The following ETV5 variants were observed in gnomAD, a reference collection of about 807,000 sequenced individuals.
ETV5 encodes ETS translocation variant 5.
In ETV5, 10 loss-of-function variants were observed where a neutral mutation model predicts 70.0. The observed-to-expected ratio is 0.14, with a 90% CI of 0.09 to 0.24. ETV5 has a LOEUF of 0.24. Among genes scored for constraint, ETV5 ranks in the 10% least tolerant of loss-of-function variants. ETV5 has a pLI of 1.00. For synonymous variants in ETV5, 216 were observed against 242.2 expected, an observed-to-expected ratio of 0.89 and a Z score of 1.01; for missense variants, 453 against 651.2, an observed-to-expected ratio of 0.70 and a Z score of 3.31.
Position 186,066,262 on chromosome 3 carries a change from CAAA to C in ETV5, c.651-193_651-191del, listed in dbSNP as rs10681607. Among the ~76,000 whole-genome samples, 65 of 94,896 alleles carry C rather than the reference CAAA, an allele frequency of 6.8e-4. 2 individuals are homozygous for C. The East Asian group carries it at 0.012, about 18-fold the overall frequency. The allele number at this position is 94,896 out of a possible 152,430, so 62.3% of individuals were successfully genotyped here. A position where few individuals can be genotyped will look rare whatever the true frequency, so the allele number is the denominator to read the frequency against. ...TCGAAGCTCTTGAGTCAGGAAGTGG[CAAA>C]AAAAAAAAAAAAAAATCAAAGCAAT... On this transcript the variant is annotated intron_variant, in intron 7 of 12. Transcript: ENST00000306376.
chr3:186,064,324 AGG>A, intron 9 of ETV5, 91 bp downstream of exon 9: 2 of 1,201,680 alleles, frequency 1.7e-6, no homozygotes, highest in Non-Finnish European at 2.5e-6. Flanking sequence ...AGAAAGAGGA[AGG>A]AAGGAAGGTA....
intron 9 of ETV5, among the ~76,000 whole-genome samples, chr3:186,059,393 C>T (rs1713251486): frequency 6.6e-6 from 1 of 152,136 alleles, no homozygotes; most frequent in African/African-American, 2.4e-5. Flanking sequence ...CTCATGGAGC[C>T]TGCATCTCAA....
At chr3:186,091,888 A>T (rs768277244) in intron 5 of ETV5, among the ~76,000 whole-genome samples, 2 of 152,198 alleles carry the variant, frequency 1.3e-5, no homozygotes, top group Admixed American at 6.5e-5. Flanking sequence ...AAATACCAGG[A>T]TGTAATAGCA....
chr3:186,104,648 C>T (rs1277889056), intron 5 of ETV5, among the ~76,000 whole-genome samples: 1 of 151,954 alleles, frequency 6.6e-6, no homozygotes. Context: ...CCAAAAAAGC[C>T]ATAAAACAAT....
intron 8 of ETV5, 121 bp from the exon 9 acceptor site, chr3:186,064,597 T>C: frequency 2.1e-6 from 2 of 960,476 alleles, no homozygotes; most frequent in South Asian, 2.7e-5. Flanking sequence ...GTCATGTCTT[T>C]CTGGCTTTGT....
rs1031449824 is a variant in ETV5 at position 186,048,666 on chromosome 3, G to C, written c.1506C>G (p.Leu502=). Residue 502 remains leucine, a synonymous_variant, in exon 13 of 13, where the codon CTC becomes CTG. Coordinates refer to ENST00000306376, the MANE Select transcript of ETV5 (RefSeq NM_004454.3). ...AGTAAGCAAAGCCTTCGGCATAGGG[G>C]AGGCTGCTGCAGCGGTCCATGTCCA... is the stretch of plus-strand genomic sequence containing the variant. ...YLLDMDRCSS[L]PYAEGFAY is the part of the protein sequence containing the mutation. The C allele has an allele frequency of 3.7e-6, 6 of 1,614,210 alleles. No homozygotes were observed. The highest frequency in any genetic ancestry group is 5.1e-6 in the Non-Finnish European group (6 of 1,180,030).
chr3:186,082,774 A>C (rs1490969996), intron 5 of ETV5, among the ~76,000 whole-genome samples: 1 of 152,212 alleles, frequency 6.6e-6, no homozygotes, highest in Admixed American at 6.5e-5. Flanking sequence ...TCTTCCAGCC[A>C]ACTGGCCTCT....
intron 1 of ETV5, chr3:186,108,688 C>T: frequency 8.7e-7 from 1 of 1,155,800 alleles, no homozygotes. Context: ...GGCGCCTCCC[C>T]CACGACGTGT....
At chr3:186,064,326 G>A in intron 9 of ETV5, 91 bp downstream of exon 9, 1 of 1,226,880 alleles carries the variant, frequency 8.2e-7, no homozygotes, top group Non-Finnish European at 1.2e-6. Context: ...AAAGAGGAAG[G>A]AAGGAAGGTA....
At position 186,052,256 on chromosome 3, in the gene ETV5, G is replaced by C. The variant is rs937493018; in HGVS notation, c.1210-125C>G. On this transcript the variant is annotated intron_variant, in intron 11 of 12. Coordinates refer to ENST00000306376, the MANE Select transcript of ETV5 (RefSeq NM_004454.3). The surrounding 1 kb of genome is among the most constrained non-coding windows in gnomAD (Gnocchi z 4.5). ...GGTCAATGATCTGCTACTCTGACCT[G>C]GAAGGGAAGGCATTTAACTCCCTCA... 5 of 790,122 alleles carry C rather than the reference G, an allele frequency of 6.3e-6. No homozygotes were observed. Among genetic ancestry groups the C allele is most frequent in the African/African-American group, 1.7e-5 (1 of 58,204 alleles). The allele number at this position is 790,122 out of a possible 1,614,324, so 48.9% of individuals were successfully genotyped here. A position where few individuals can be genotyped will look rare whatever the true frequency, so the allele number is the denominator to read the frequency against.
chr3:186,071,014 G>A (rs79822692), intron 7 of ETV5, among the ~76,000 whole-genome samples: 2,799 of 152,218 alleles, frequency 0.018, 85 homozygotes, highest in African/African-American at 0.065. Context: ...AGGCTTTTTC[G>A]GTGCCAGTTT....
At chr3:186,049,191 C>T (rs1327676328) in intron 12 of ETV5, among the ~76,000 whole-genome samples, 1 of 152,170 alleles carries the variant, frequency 6.6e-6, no homozygotes, top group African/African-American at 2.4e-5. Flanking sequence ...GGTTTAAGGA[C>T]TGACAGGTGC....
At position 186,057,822 on chromosome 3, in the gene ETV5, AAC is replaced by A. The variant is rs777305583; in HGVS notation, c.971-333_971-332del. Among the ~76,000 whole-genome samples, 1 of 152,198 alleles carries A rather than the reference AAC, an allele frequency of 6.6e-6. No homozygotes were observed. The highest frequency in any genetic ancestry group is 1.5e-5 in the Non-Finnish European group (1 of 68,034). ...CTCTGACTAAGCCTTTACAGCTGGA[AAC>A]ACATCTCTATTTCAGTTGGCCTAGC... On this transcript the variant is annotated intron_variant, in intron 9 of 12. Transcript: ENST00000306376. The surrounding 1 kb of genome is among the most constrained non-coding windows in gnomAD (Gnocchi z 4.9).
intron 5 of ETV5, among the ~76,000 whole-genome samples, chr3:186,097,760 G>A (rs1332375766): frequency 1.3e-5 from 2 of 152,198 alleles, no homozygotes; most frequent in South Asian, 2.1e-4. Context: ...GGAGAACAGG[G>A]AGCAGCAGGG....
intron 5 of ETV5, among the ~76,000 whole-genome samples, chr3:186,090,820 C>T (rs555418562): frequency 2.1e-4 from 32 of 152,258 alleles, no homozygotes; most frequent in Admixed American, 1.6e-3. Flanking sequence ...GGGATCAGGA[C>T]GAGAGGAAGC....
In ETV5 at chr3:186,064,403, A is replaced by G; in HGVS notation, c.970+14T>C. ...GAGAGAGGAGAGAAGAGGAAAGAAA[A>G]GCAGGTTCCTTACCTTCATGGCTGC... On this transcript the variant is annotated intron_variant, in intron 9 of 12. Coordinates refer to ENST00000306376, the MANE Select transcript of ETV5 (RefSeq NM_004454.3). The G allele has an allele frequency of 1.2e-6, 2 of 1,613,236 alleles. No homozygotes were observed. The highest frequency in any genetic ancestry group is 2.2e-5 in the East Asian group (1 of 44,884).
Position 186,047,248 on chromosome 3 carries a change from T to C in ETV5, c.*1391A>G, listed in dbSNP as rs761391040. ...TTGGTTGTTTAAAACTTTTCCAATA[T>C]AATACAGCAATGAGAATAATTTCTT... On this transcript the variant is annotated 3_prime_UTR_variant, in exon 13 of 13. Coordinates refer to ENST00000306376, the MANE Select transcript of ETV5 (RefSeq NM_004454.3). 8.7e-6 allele frequency: 2 copies of C among 228,804 alleles called. No individual in the cohort carries two copies. Among genetic ancestry groups the C allele is most frequent in the Non-Finnish European group, 1.7e-5 (2 of 115,194 alleles). 14.2% of individuals were successfully genotyped at this position (228,804 alleles called of 1,614,324 possible). A position where few individuals can be genotyped will look rare whatever the true frequency, so the allele number is the denominator to read the frequency against.
intron 5 of ETV5, among the ~76,000 whole-genome samples, chr3:186,090,433 A>C (rs1714154413): frequency 6.6e-6 from 1 of 152,234 alleles, no homozygotes; most frequent in Admixed American, 6.5e-5. Flanking sequence ...GCCTGGGTAA[A>C]AAGATAGCAG....
At chr3:186,090,152 G>A (rs1019588537) in intron 5 of ETV5, among the ~76,000 whole-genome samples, 2 of 152,194 alleles carry the variant, frequency 1.3e-5, no homozygotes, top group Middle Eastern at 3.2e-3. Context: ...GTCAAAAGTA[G>A]AAATGCTTAG....
Sources: gnomAD v4.1 joint callset for allele counts (sites outside exome capture counted in the v4.1 genomes callset) on GRCh38, gnomAD v4.1.1 for gene constraint, Gnocchi (gnomAD v3.1) non-coding constraint, MANE v1.5 for transcripts, NCBI Gene and HGNC (gene_info 2026-07-23, HGNC 2026-07-21) for gene names.